UBAP2: variants seen among roughly 807,000 people sequenced by gnomAD.
UBAP2 encodes the protein ubiquitin associated protein 2, also known as ubiquitin-associated protein 2.
In UBAP2, 75 loss-of-function variants were observed where a neutral mutation model predicts 139.6. The observed-to-expected ratio is 0.54, with a 90% CI of 0.45 to 0.65. The LOEUF is 0.65. Ranked by LOEUF, UBAP2 falls within the 30% of genes least tolerant of loss-of-function variation. UBAP2 has a pLI of 0.00. For synonymous variants in UBAP2, 526 were observed against 526.2 expected (o/e 1.00, Z 0.01); for missense variants, 1,368 against 1,369.6 (o/e 1.00, Z 0.02).
chr9:34,022,716 G>A (rs1238251972), intron 1 of UBAP2, among the ~76,000 whole-genome samples: 1 of 152,002 alleles, frequency 6.6e-6, no homozygotes, highest in Non-Finnish European at 1.5e-5. Flanking sequence ...GGGATTACAG[G>A]TGTGAGCCAT....
At chr9:33,934,032 G>A (rs1824236237) in intron 17 of UBAP2, 1 of 174,422 alleles carries the variant, frequency 5.7e-6, no homozygotes, top group Non-Finnish European at 1.3e-5. Context: ...GGAGTAAGAA[G>A]CTAACAGGCA....
intron 16 of UBAP2, among the ~76,000 whole-genome samples, chr9:33,940,682 G>A (rs1349438858): frequency 6.6e-6 from 1 of 152,190 alleles, no homozygotes; most frequent in African/African-American, 2.4e-5. Context: ...GGGAGGCTAG[G>A]GTGGGAGGAC....
At chr9:33,926,217 A>G (rs1384293960) in intron 22 of UBAP2, among the ~76,000 whole-genome samples, 1 of 152,142 alleles carries the variant, frequency 6.6e-6, no homozygotes, top group Non-Finnish European at 1.5e-5. Context: ...AAGACACTAT[A>G]TGGTACTCTG....
intron 1 of UBAP2, among the ~76,000 whole-genome samples, chr9:34,027,585 C>A (rs918039867): frequency 6.6e-6 from 1 of 151,016 alleles, no homozygotes; most frequent in Non-Finnish European, 1.5e-5. Context: ...AGGCCAGGCA[C>A]GGTGGCTCAC....
chr9:33,924,251 C>CT lies in UBAP2; in HGVS notation c.2544dup (p.Ala849SerfsTer11). 1 of 1,614,172 alleles carries CT rather than the reference C, an allele frequency of 6.2e-7. No individual in the cohort carries two copies. The highest frequency in any genetic ancestry group is 8.5e-7 in the Non-Finnish European group (1 of 1,180,022). On this transcript the variant is annotated frameshift_variant, in exon 23 of 29. Coordinates refer to ENST00000379238, the MANE Select transcript of UBAP2 (RefSeq NM_001370062.2). LOFTEE classifies it high-confidence loss of function. ...AGGCTCCCATCTCGGCTGGCAAGCG[C>CT]TGTGGGTGCAGCAAAGGGAATTCCA... is the stretch of plus-strand genomic sequence containing the variant.
intron 5 of UBAP2, 133 bp from the exon 6 acceptor site, chr9:33,986,970 AAAAAC>A: frequency 1.3e-6 from 1 of 770,168 alleles, no homozygotes; most frequent in Non-Finnish European, 2.2e-6. Context: ...CAAAAACAGG[AAAAAC>A]AAAAACAAAA....
intron 4 of UBAP2, among the ~76,000 whole-genome samples, chr9:33,992,977 T>C (rs992634282): frequency 2.0e-5 from 3 of 152,170 alleles, no homozygotes; most frequent in Non-Finnish European, 4.4e-5. Flanking sequence ...ACTTTGCCTT[T>C]GCCAAAAACT....
chr9:34,028,368 A>ATTTATTTATTTAT (rs1825594899), intron 1 of UBAP2, among the ~76,000 whole-genome samples: 1 of 149,894 alleles, frequency 6.7e-6, no homozygotes, highest in Non-Finnish European at 1.5e-5. Context: ...TGTCTTATTT[A>ATTTATTTATTTAT]TTTATTTATT....
At chr9:34,045,021 A>G (rs1211765347) in intron 1 of UBAP2, among the ~76,000 whole-genome samples, 1 of 152,104 alleles carries the variant, frequency 6.6e-6, no homozygotes, top group Non-Finnish European at 1.5e-5. Flanking sequence ...TTAGTTATCA[A>G]AAAATGGAAA....
chr9:33,982,635 T>G (rs183275326), intron 6 of UBAP2, among the ~76,000 whole-genome samples: 2 of 152,078 alleles, frequency 1.3e-5, no homozygotes. Context: ...CCAGTAAGAA[T>G]AGGAAGAACA....
intron 10 of UBAP2, among the ~76,000 whole-genome samples, chr9:33,956,415 T>C (rs1826571596): frequency 6.6e-6 from 1 of 150,542 alleles, no homozygotes; most frequent in African/African-American, 2.5e-5. Context: ...GCCTCCTGGG[T>C]TCAAGCGATC....
chr9:33,937,811 A>G (rs894410995), intron 16 of UBAP2, among the ~76,000 whole-genome samples: 5 of 151,672 alleles, frequency 3.3e-5, no homozygotes, highest in African/African-American at 1.2e-4. Flanking sequence ...AATCCCAGCT[A>G]GTCAGGAGGC....
intron 20 of UBAP2, among the ~76,000 whole-genome samples, chr9:33,927,452 C>T (rs185231825): frequency 8.9e-4 from 135 of 152,266 alleles, no homozygotes; most frequent in African/African-American, 3.2e-3. Flanking sequence ...GTTTTAGCAG[C>T]GACCATCAAA....
chr9:33,925,538 C>G (rs1323593475), intron 22 of UBAP2, among the ~76,000 whole-genome samples: 1 of 152,156 alleles, frequency 6.6e-6, no homozygotes, highest in African/African-American at 2.4e-5. Context: ...CACGGAGAGC[C>G]CCTGAAGCAG....
intron 1 of UBAP2, among the ~76,000 whole-genome samples, chr9:34,046,892 T>C (rs1827652953): frequency 6.6e-6 from 1 of 152,120 alleles, no homozygotes; most frequent in African/African-American, 2.4e-5. Flanking sequence ...CTCCTGGTGA[T>C]CACTACATAG....
chr9:34,008,600 A>G (rs971856024), intron 2 of UBAP2, among the ~76,000 whole-genome samples: 1 of 146,866 alleles, frequency 6.8e-6, no homozygotes, highest in African/African-American at 2.5e-5. Context: ...TCAAAATGCA[A>G]CAGAGATTGT....
At chr9:34,016,853 C>T (rs979106866) in intron 2 of UBAP2, among the ~76,000 whole-genome samples, 197 bp downstream of exon 2, 2 of 152,014 alleles carry the variant, frequency 1.3e-5, no homozygotes, top group African/African-American at 4.8e-5. Context: ...CCACCGCACC[C>T]GGCCATCACC....
intron 1 of UBAP2, among the ~76,000 whole-genome samples, chr9:34,032,262 C>G (rs1362520057): frequency 6.6e-6 from 1 of 152,146 alleles, no homozygotes; most frequent in Non-Finnish European, 1.5e-5. Flanking sequence ...CATCTATCCT[C>G]TCTTGAAAGG....
Position 33,971,731 on chromosome 9 carries a change from G to T in UBAP2, c.599C>A (p.Ser200Ter). 6.2e-7 allele frequency: 1 copy of T among 1,610,198 alleles called. No homozygotes were observed. The highest frequency in any genetic ancestry group is 8.5e-7 in the Non-Finnish European group (1 of 1,176,514). The change falls in exon 8 of 29, where the codon TCA becomes TAA. Residue 200 changes from serine (S) to a stop codon, truncating the protein, a stop_gained. Coordinates refer to ENST00000379238, the MANE Select transcript of UBAP2 (RefSeq NM_001370062.2). LOFTEE classifies it high-confidence loss of function. ...GMGTFNPADY[S>*]DSTSTDVCGT... ...ACACACATCTGTAGATGTAGAATCT[G>T]AATAGTCTGCAGGATTAAATGTCCT...
Sources: gnomAD v4.1 joint callset for allele counts (sites outside exome capture counted in the v4.1 genomes callset) on GRCh38, gnomAD v4.1.1 for gene constraint, MANE v1.5 for transcripts, NCBI Gene and HGNC (gene_info 2026-07-23, HGNC 2026-07-21) for gene names.